ADCY3: variants seen among roughly 807,000 people sequenced by gnomAD.
The protein encoded by ADCY3 is adenylate cyclase type 3.
ADCY3 carries 70 observed loss-of-function variants against 119.4 expected under a neutral mutation model. That is an observed-to-expected ratio of 0.59 (90% CI 0.48 to 0.72). The LOEUF (loss-of-function observed/expected upper bound fraction) is 0.72, where lower values mean the gene tolerates loss of function less well. Ranked by LOEUF, ADCY3 falls within the 30% of genes least tolerant of loss-of-function variation. ADCY3 has a pLI of 0.00. For synonymous variants in ADCY3, 672 were observed against 621.4 expected (o/e 1.08, Z -1.21); for missense variants, 1,238 against 1,541.6 (o/e 0.80, Z 3.30).
In ADCY3 at chr2:24,819,976, C is replaced by T. The variant is rs1667303478; in HGVS notation, c.3391G>A (p.Gly1131Ser). 7.4e-6 allele frequency: 12 copies of T among 1,613,690 alleles called. No homozygotes were observed. The highest frequency in any genetic ancestry group is 9.3e-6 in the Non-Finnish European group (11 of 1,179,836). ...TGGTGGGGCAGTGTGACAGAGGGGC[C>T]ATTGGGGAAGGTGGCTAGCTTATCC... is the stretch of plus-strand genomic sequence containing the variant. The part of the protein sequence containing the change: ...GRDKLATFPN[G>S]PSVTLPHQVV... The change falls in exon 22 of 22, where the codon GGC becomes AGC. Residue 1131 changes from glycine (G) to serine (S), a missense_variant. Coordinates refer to ENST00000679454, the MANE Select transcript of ADCY3 (RefSeq NM_004036.5).
Position 24,841,747 on chromosome 2 carries a change from C to G in ADCY3, c.957-80G>C, listed in dbSNP as rs1280052175. On this transcript the variant is annotated intron_variant, in intron 4 of 21. Transcript: ENST00000679454. This position sits in a 1 kb window ranked among gnomAD's most constrained non-coding sequence, Gnocchi z 5.8. ...CCCCACTGCCAGCTCCCTCTCCAAC[C>G]CACAGGGCAGCCAGGATCAGGGCAG... is the stretch of plus-strand genomic sequence containing the variant. 9.3e-7 allele frequency: 1 copy of G among 1,077,794 alleles called. No individual in the cohort carries two copies. Among genetic ancestry groups the G allele is most frequent in the Admixed American group, 1.9e-5 (1 of 51,584 alleles). 66.8% of individuals were successfully genotyped at this position (1,077,794 alleles called of 1,614,324 possible).
chr2:24,890,935 G>A (rs1026012533), intron 2 of ADCY3, among the ~76,000 whole-genome samples: 7 of 151,844 alleles, frequency 4.6e-5, no homozygotes, highest in Non-Finnish European at 1.0e-4. Context: ...GCAGTGGCAC[G>A]ATCTCGGCTC....
chr2:24,856,715 C>T (rs989804429), intron 3 of ADCY3, among the ~76,000 whole-genome samples: 4 of 152,196 alleles, frequency 2.6e-5, no homozygotes, highest in African/African-American at 9.7e-5. Flanking sequence ...GAGATGTGTT[C>T]CCCACCTCAG....
chr2:24,839,095 A>T (rs11900891), intron 7 of ADCY3, among the ~76,000 whole-genome samples: 136 of 152,090 alleles, frequency 8.9e-4, no homozygotes, highest in African/African-American at 3.1e-3. Context: ...GGTGCACACC[A>T]CCACACCCGA....
At position 24,834,469 on chromosome 2, in the gene ADCY3, C is replaced by A. The variant is rs567466616; in HGVS notation, c.1967+16G>T. Reference sequence around the variant, plus strand: ...CAGCCGAGGAAACTCGTGGCCCTCCCCGGCCCCTCCCTCACCAGGGGTCGA... The same window carrying A: ...CAGCCGAGGAAACTCGTGGCCCTCCACGGCCCCTCCCTCACCAGGGGTCGA... On this transcript the variant is annotated intron_variant, in intron 11 of 21. Coordinates refer to ENST00000679454, the MANE Select transcript of ADCY3 (RefSeq NM_004036.5). This position sits in a 1 kb window ranked among gnomAD's most constrained non-coding sequence, Gnocchi z 4.2. 180 of 1,591,494 alleles carry A rather than the reference C, an allele frequency of 1.1e-4. 4 individuals carry two copies. The South Asian group carries it at 1.8e-3, about 16-fold the overall frequency.
intron 21 of ADCY3, chr2:24,820,340 CTCTCCTAGG>C: frequency 7.5e-7 from 1 of 1,332,930 alleles, no homozygotes; most frequent in South Asian, 2.2e-5. Flanking sequence ...CCAGAGACTT[CTCTCCTAGG>C]ATGGCCATGG....
chr2:24,877,473 C>A (rs1675855495), intron 2 of ADCY3, among the ~76,000 whole-genome samples: 1 of 152,196 alleles, frequency 6.6e-6, no homozygotes, highest in African/African-American at 2.4e-5. Context: ...CTCGGTCGCT[C>A]CCCTGAGGAC....
At chr2:24,910,661 CT>C (rs59644324) in intron 2 of ADCY3, among the ~76,000 whole-genome samples, 1,782 of 131,406 alleles carry the variant, frequency 0.014, 28 homozygotes, top group East Asian at 0.095. Flanking sequence ...CTTTTCTTTT[CT>C]TTTTTTTTTT....
At chr2:24,856,388 A>C (rs966894209) in intron 3 of ADCY3, among the ~76,000 whole-genome samples, 1 of 152,220 alleles carries the variant, frequency 6.6e-6, no homozygotes, top group East Asian at 1.9e-4. Context: ...GGCTGTGAGC[A>C]TACCCACAGA....
At chr2:24,840,144 G>C in intron 6 of ADCY3, 113 bp from the exon 7 acceptor site, 2 of 1,391,524 alleles carry the variant, frequency 1.4e-6, no homozygotes, top group Non-Finnish European at 1.9e-6. Context: ...CACAAGAGGG[G>C]GCCTGGCAAG....
rs1668832261 is a variant in ADCY3 at position 24,827,798 on chromosome 2, T to C, written c.2432+104A>G. 6 of 1,539,568 alleles carry C rather than the reference T, an allele frequency of 3.9e-6. No homozygotes were observed. The South Asian group carries it at 4.7e-5, about 12-fold the overall frequency. On this transcript the variant is annotated intron_variant, in intron 14 of 21. Coordinates refer to ENST00000679454, the MANE Select transcript of ADCY3 (RefSeq NM_004036.5). ...TCTTGAACAAGCCTTTGAGGACCCCTAGTGGCAGAAAGCCACCTCAGCACA... is the reference window on the plus strand; with the variant it reads ...TCTTGAACAAGCCTTTGAGGACCCCCAGTGGCAGAAAGCCACCTCAGCACA...
intron 2 of ADCY3, among the ~76,000 whole-genome samples, chr2:24,915,234 G>A (rs1298741256): frequency 6.6e-6 from 1 of 152,242 alleles, no homozygotes; most frequent in Non-Finnish European, 1.5e-5. Flanking sequence ...TGACCCTGGA[G>A]GGAGTCCCCA....
intron 3 of ADCY3, among the ~76,000 whole-genome samples, chr2:24,848,957 G>GCC (rs572997786): frequency 6.6e-6 from 1 of 151,770 alleles, no homozygotes; most frequent in African/African-American, 2.4e-5. Flanking sequence ...TTGAGTCTCA[G>GCC]CCCCCCCCGC....
intron 2 of ADCY3, among the ~76,000 whole-genome samples, chr2:24,900,533 T>C (rs1573028492): frequency 6.6e-6 from 1 of 151,834 alleles, no homozygotes; most frequent in African/African-American, 2.4e-5. Flanking sequence ...ATGGACAAGG[T>C]TCTGTGAGCA....
intron 11 of ADCY3, among the ~76,000 whole-genome samples, chr2:24,833,008 A>G (rs1251624097): frequency 6.6e-6 from 1 of 152,172 alleles, no homozygotes; most frequent in African/African-American, 2.4e-5. Context: ...TGTCTCCAAA[A>G]TACATTCAGC....
intron 3 of ADCY3, among the ~76,000 whole-genome samples, chr2:24,861,467 C>T (rs1374975413): frequency 6.6e-6 from 1 of 152,118 alleles, no homozygotes; most frequent in Non-Finnish European, 1.5e-5. Context: ...TGACACTGAC[C>T]TCAAATGGCT....
At position 24,842,987 on chromosome 2, in the gene ADCY3, G is replaced by A. The variant is rs1362193143; in HGVS notation, c.826-603C>T. 6.6e-6 allele frequency among the ~76,000 whole-genome samples: 1 copy of A among 152,202 alleles called. No individual in the cohort carries two copies. The highest frequency in any genetic ancestry group is 1.5e-5 in the Non-Finnish European group (1 of 68,038). On this transcript the variant is annotated intron_variant, in intron 3 of 21. Transcript: ENST00000679454. The surrounding 1 kb of genome is among the most constrained non-coding windows in gnomAD (Gnocchi z 4.9). Reference sequence around the variant, plus strand: ...AGGACGGCGCAAGAGAGAAGCAGGGGCCAAGGTCGGCCGGGGAGGAGGCAT... The same window carrying A: ...AGGACGGCGCAAGAGAGAAGCAGGGACCAAGGTCGGCCGGGGAGGAGGCAT...
At chr2:24,879,336 C>T (rs886516333) in intron 2 of ADCY3, among the ~76,000 whole-genome samples, 8 of 150,464 alleles carry the variant, frequency 5.3e-5, no homozygotes, top group South Asian at 2.1e-4. Context: ...GTTAGCCAGG[C>T]GTGGTGGGCA....
Position 24,821,537 on chromosome 2 carries a change from T to C in ADCY3, c.3107A>G (p.Asn1036Ser). ...TLTNINNQSF[N>S]NFMLRIGMNK... Reference sequence around the variant, plus strand: ...CTCACCTATGCGCAGCATGAAGTTATTGAAGGACTGGTTGTTGATGTTGGT... The same window carrying C: ...CTCACCTATGCGCAGCATGAAGTTACTGAAGGACTGGTTGTTGATGTTGGT... The change falls in exon 20 of 22, where the codon AAT becomes AGT. Residue 1036 changes from asparagine (N) to serine (S), a missense_variant. Physicochemically the swap from Asn to Ser is conservative, Grantham distance 46 (BLOSUM62 1). This residue lies in a region of ADCY3 where 43 missense variants were observed against 77.0 expected (regional missense o/e 0.56). Transcript: ENST00000679454. 2 of 1,614,146 alleles carry C rather than the reference T, an allele frequency of 1.2e-6. No individual in the cohort carries two copies. The highest frequency in any genetic ancestry group is 1.7e-6 in the Non-Finnish European group (2 of 1,180,024).
Sources: gnomAD v4.1 joint callset for allele counts (sites outside exome capture counted in the v4.1 genomes callset) on GRCh38, gnomAD v4.1.1 for gene constraint, gnomAD v4.1.1 regional missense constraint, Gnocchi (gnomAD v3.1) non-coding constraint, MANE v1.5 for transcripts, NCBI Gene and HGNC (gene_info 2026-07-23, HGNC 2026-07-21) for gene names.